The following BRD7 variants were observed in gnomAD, a reference collection of about 807,000 sequenced individuals.
BRD7 encodes the protein bromodomain containing 7, also known as bromodomain-containing protein 7.
A neutral mutation model predicts 82.1 loss-of-function variants in BRD7; 15 were observed. The ratio of observed to expected loss-of-function variants is 0.18; its 90% CI spans 0.12 to 0.28. The LOEUF (loss-of-function observed/expected upper bound fraction) is 0.28, where lower values mean the gene tolerates loss of function less well. Among genes scored for constraint, BRD7 ranks in the 10% least tolerant of loss-of-function variants. BRD7 has a pLI of 1.00. For missense variants in BRD7, 638 were observed against 779.9 expected, an observed-to-expected ratio of 0.82 and a Z score of 2.17; for synonymous variants, 232 against 266.9, an observed-to-expected ratio of 0.87 and a Z score of 1.27.
chr16:50,353,567 G>A (rs1000741253), intron 4 of BRD7, among the ~76,000 whole-genome samples: 4 of 151,842 alleles, frequency 2.6e-5, no homozygotes, highest in African/African-American at 9.7e-5. Context: ...TGAGTAGAGA[G>A]ATATCAAAAT....
At chr16:50,341,740 T>C (rs995933033) in intron 5 of BRD7, among the ~76,000 whole-genome samples, 6 of 151,698 alleles carry the variant, frequency 4.0e-5, no homozygotes, top group African/African-American at 1.5e-4. Context: ...AAGTGACCAT[T>C]TGGCCTATAA....
intron 13 of BRD7, among the ~76,000 whole-genome samples, chr16:50,321,566 C>CAAAA (rs60824563): frequency 8.9e-5 from 6 of 67,460 alleles, no homozygotes; most frequent in African/African-American, 3.0e-4. Flanking sequence ...GACTCCATCT[C>CAAAA]AAAAAAAAAA....
chr16:50,338,996 G>C (rs1048323967), intron 6 of BRD7, among the ~76,000 whole-genome samples: 2 of 152,210 alleles, frequency 1.3e-5, no homozygotes, highest in African/African-American at 4.8e-5. Flanking sequence ...GATGCACAGT[G>C]ATCATCTCAG....
chr16:50,323,502 T>C, intron 12 of BRD7, 85 bp downstream of exon 12: 1 of 1,155,468 alleles, frequency 8.7e-7, no homozygotes. Flanking sequence ...GTCATACTTG[T>C]TAATCCCATG....
At chr16:50,363,466 T>C (rs1249361622) in intron 2 of BRD7, among the ~76,000 whole-genome samples, 3 of 152,198 alleles carry the variant, frequency 2.0e-5, no homozygotes, top group Non-Finnish European at 2.9e-5. Flanking sequence ...CCAAAGCACG[T>C]TGTACCCCTA....
rs186590791 is a variant in BRD7, at chr16:50,326,194, C to T, written c.1195+90G>A. 2.7e-4 allele frequency: 269 copies of T among 1,012,982 alleles called. 3 individuals are homozygous for T. The East Asian group carries it at 4.1e-3, about 15-fold the overall frequency. 62.7% of individuals were successfully genotyped at this position (1,012,982 alleles called of 1,614,324 possible). A position where few individuals can be genotyped will look rare whatever the true frequency, so the allele number is the denominator to read the frequency against. On this transcript the variant is annotated intron_variant, in intron 10 of 16. Coordinates refer to ENST00000394688, the MANE Select transcript of BRD7 (RefSeq NM_013263.5). ...AAAAATACCACCAAGATACTGGTGC[C>T]CACCTAGTGAATAAAGCATAATCGT...
chr16:50,367,751 G>T (rs751935471), intron 2 of BRD7, among the ~76,000 whole-genome samples: 1 of 152,204 alleles, frequency 6.6e-6, no homozygotes, highest in Admixed American at 6.5e-5. Flanking sequence ...ACTCGCTTCT[G>T]AAATGACTAT....
intron 7 of BRD7, among the ~76,000 whole-genome samples, chr16:50,334,170 C>T (rs946534883): frequency 6.6e-6 from 1 of 152,232 alleles, no homozygotes; most frequent in African/African-American, 2.4e-5. Context: ...AGGTGCTGGG[C>T]GGTCAGGGCT....
At chr16:50,368,635 G>T (rs1244437335) in intron 1 of BRD7, 91 bp downstream of exon 1, 5 of 1,388,628 alleles carry the variant, frequency 3.6e-6, no homozygotes, top group Non-Finnish European at 3.9e-6. Flanking sequence ...GGGAAGGAAG[G>T]GCCCCGGGCC....
intron 2 of BRD7, among the ~76,000 whole-genome samples, chr16:50,359,587 C>G (rs1489274307): frequency 6.6e-6 from 1 of 152,016 alleles, no homozygotes; most frequent in Non-Finnish European, 1.5e-5. Context: ...AAAAAACAAA[C>G]AGGTTTATAA....
chr16:50,368,896 AG>A lies in BRD7; in HGVS notation c.-123del, dbSNP rs1020096843. Reference sequence around the variant, plus strand: ...CCCGCGAGACCCCGCGCCGCGAGGCAGGGGGGCGGCGCGCGCCGGGCGGCGC... The same window carrying A: ...CCCGCGAGACCCCGCGCCGCGAGGCAGGGGGCGGCGCGCGCCGGGCGGCGC... On this transcript the variant is annotated 5_prime_UTR_variant, in exon 1 of 17. Coordinates refer to ENST00000394688, the MANE Select transcript of BRD7 (RefSeq NM_013263.5). 1.2e-5 allele frequency: 6 copies of A among 510,554 alleles called. No homozygotes were observed. The highest frequency in any genetic ancestry group is 1.1e-4 in the African/African-American group (5 of 47,042). 31.6% of individuals were successfully genotyped at this position (510,554 alleles called of 1,614,324 possible). A position where few individuals can be genotyped will look rare whatever the true frequency, so the allele number is the denominator to read the frequency against.
At chr16:50,333,112 G>A (rs760005530) in intron 8 of BRD7, among the ~76,000 whole-genome samples, 1 of 152,138 alleles carries the variant, frequency 6.6e-6, no homozygotes, top group Non-Finnish European at 1.5e-5. Flanking sequence ...ACAAAATGGT[G>A]TATGTACCCC....
At chr16:50,319,780 G>C (rs551121617) in intron 16 of BRD7, 107 bp downstream of exon 16, 2 of 1,410,732 alleles carry the variant, frequency 1.4e-6, no homozygotes, top group East Asian at 4.6e-5. Flanking sequence ...CTATCTTTGT[G>C]GGGTAAATAC....
At chr16:50,329,846 A>C (rs2037485620) in intron 8 of BRD7, among the ~76,000 whole-genome samples, 1 of 152,256 alleles carries the variant, frequency 6.6e-6, no homozygotes. Flanking sequence ...ATGTCGGCTC[A>C]GTTAAAACTG....
At chr16:50,362,654 G>A (rs756236859) in intron 2 of BRD7, among the ~76,000 whole-genome samples, 3 of 152,286 alleles carry the variant, frequency 2.0e-5, no homozygotes, top group Non-Finnish European at 2.9e-5. Context: ...TACAACAGAC[G>A]AACCTTGAGG....
chr16:50,343,444 C>T (rs1192106135), intron 5 of BRD7, among the ~76,000 whole-genome samples: 2 of 152,224 alleles, frequency 1.3e-5, no homozygotes, highest in East Asian at 3.8e-4. Context: ...CTGGGTTCAT[C>T]TCACTGGGGC....
In BRD7 at chr16:50,368,275, G is replaced by C. The variant is rs34054323; in HGVS notation, c.73C>G (p.Leu25Val). 2 of 1,614,174 alleles carry C rather than the reference G, an allele frequency of 1.2e-6. No individual in the cohort carries two copies. Among genetic ancestry groups the C allele is most frequent in the Admixed American group, 1.7e-5 (1 of 60,030 alleles). The part of the protein sequence containing the change: ...YEEYVEKPLK[L>V]VLKVGGNEVT... ...TCGTTCCCTCCTACTTTGAGGACCA[G>C]CTTCAAGGGCTTCTCTACATACTCT... Residue 25 changes from leucine (L) to valine (V), a missense_variant, in exon 2 of 17, where the codon CTG becomes GTG. By Grantham distance (32) the Leu-to-Val change is conservative. Around this residue, in one of 3 missense-constraint regions of BRD7, gnomAD observed 172 missense variants for 155.3 expected, o/e 1.11. Transcript: ENST00000394688.
Position 50,346,629 on chromosome 16 carries a change from C to T in BRD7, c.591+3394G>A, listed in dbSNP as rs1238067532. ...AAATAGAAACTACCATCAGAGAATACTATAAACACCTCCATGCAAATAAAC... is the reference window on the plus strand; with the variant it reads ...AAATAGAAACTACCATCAGAGAATATTATAAACACCTCCATGCAAATAAAC... On this transcript the variant is annotated intron_variant, in intron 5 of 16. Transcript: ENST00000394688. 3.3e-5 allele frequency among the ~76,000 whole-genome samples: 5 copies of T among 152,180 alleles called. No homozygotes were observed. In the East Asian group the frequency reaches 9.6e-4, roughly 29 times the overall value.
chr16:50,335,303 C>T (rs904039145), intron 6 of BRD7, among the ~76,000 whole-genome samples: 1 of 152,194 alleles, frequency 6.6e-6, no homozygotes, highest in African/African-American at 2.4e-5. Flanking sequence ...GGCATGTGAG[C>T]GTGTGAAGTC....
Sources: gnomAD v4.1 joint callset for allele counts (sites outside exome capture counted in the v4.1 genomes callset) on GRCh38, gnomAD v4.1.1 for gene constraint, gnomAD v4.1.1 regional missense constraint, MANE v1.5 for transcripts, NCBI Gene and HGNC (gene_info 2026-07-23, HGNC 2026-07-21) for gene names.